Variants in OXCT1 observed in about 807,000 individuals in gnomAD.
OXCT1 encodes succinyl-CoA:3-ketoacid coenzyme A transferase 1, mitochondrial.
Under a neutral mutation model 69.6 loss-of-function variants are expected in OXCT1, and 27 were observed. That is an observed-to-expected ratio of 0.39 (90% confidence interval 0.29 to 0.54). The LOEUF (loss-of-function observed/expected upper bound fraction) is 0.54. OXCT1 is among the 20% of genes least tolerant of loss of function. The pLI, the probability that OXCT1 is intolerant of heterozygous loss-of-function variation, is 0.72. For synonymous variants in OXCT1, 202 were observed against 217.8 expected, an observed-to-expected ratio of 0.93 and a Z score of 0.64; for missense variants, 437 against 650.2, an observed-to-expected ratio of 0.67 and a Z score of 3.57.
chr5:41,759,022 T>G (rs147654700), intron 14 of OXCT1, among the ~76,000 whole-genome samples: 3 of 151,650 alleles, frequency 2.0e-5, no homozygotes, highest in African/African-American at 7.3e-5. Context: ...ATTTTTGGAT[T>G]ATTTTCTTTT....
chr5:41,795,680 C>CTA (rs1185334789), intron 11 of OXCT1, among the ~76,000 whole-genome samples: 2 of 151,812 alleles, frequency 1.3e-5, no homozygotes, highest in African/African-American at 2.4e-5. Context: ...ATAGTTAATA[C>CTA]TATACTGTAT....
At chr5:41,840,764 A>G (rs1332480292) in intron 6 of OXCT1, among the ~76,000 whole-genome samples, 1 of 152,116 alleles carries the variant, frequency 6.6e-6, no homozygotes, top group Admixed American at 6.5e-5. Context: ...TATTTTTCAC[A>G]TTCAACATAT....
At chr5:41,768,710 A>C (rs766527315) in intron 13 of OXCT1, among the ~76,000 whole-genome samples, 8 of 152,126 alleles carry the variant, frequency 5.3e-5, no homozygotes, top group Non-Finnish European at 1.2e-4. Context: ...ATTTCTCCCT[A>C]AAGAGTTATA....
chr5:41,751,588 A>G (rs989772424), intron 14 of OXCT1, among the ~76,000 whole-genome samples: 3 of 152,152 alleles, frequency 2.0e-5, no homozygotes, highest in Admixed American at 1.3e-4. Flanking sequence ...GAAAGATTAG[A>G]TAAGTTCTAC....
intron 7 of OXCT1, among the ~76,000 whole-genome samples, chr5:41,832,159 T>C (rs1748128061): frequency 6.6e-6 from 1 of 152,188 alleles, no homozygotes. Context: ...CTGTTTATTG[T>C]AGAGCCCTAG....
At chr5:41,822,832 G>C (rs562775978) in intron 7 of OXCT1, among the ~76,000 whole-genome samples, 1 of 152,108 alleles carries the variant, frequency 6.6e-6, no homozygotes, top group Non-Finnish European at 1.5e-5. Flanking sequence ...CTTGTAATTT[G>C]TGTCTGTATA....
intron 7 of OXCT1, among the ~76,000 whole-genome samples, chr5:41,835,923 G>T (rs1748335316): frequency 1.3e-5 from 2 of 150,598 alleles, no homozygotes; most frequent in African/African-American, 4.9e-5. Flanking sequence ...CCTCCCCATA[G>T]GTTTTCTATT....
At chr5:41,768,502 G>C (rs962026705) in intron 13 of OXCT1, among the ~76,000 whole-genome samples, 2 of 152,100 alleles carry the variant, frequency 1.3e-5, no homozygotes, top group Admixed American at 6.6e-5. Context: ...TCTTCATAAA[G>C]GCAAATCTCA....
chr5:41,827,403 C>G (rs975804261), intron 7 of OXCT1, among the ~76,000 whole-genome samples: 40 of 152,152 alleles, frequency 2.6e-4, no homozygotes, highest in African/African-American at 9.7e-4. Context: ...TCAGTTTTCT[C>G]ATTTACAATA....
chr5:41,753,290 T>C lies in OXCT1; in HGVS notation c.1339-3683A>G, dbSNP rs71590623. Among the ~76,000 whole-genome samples the C allele has an allele frequency of 5.9e-3, 734 of 124,708 alleles. 3 individuals are homozygous for C. The highest frequency in any genetic ancestry group is 0.017 in the African/African-American group (551 of 32,886). 81.8% of individuals were successfully genotyped at this position (124,708 alleles called of 152,430 possible). ...TGCAATACACACACACACACACACATAGACACACACACACACATAGACACA... is the reference window on the plus strand; with the variant it reads ...TGCAATACACACACACACACACACACAGACACACACACACACATAGACACA... On this transcript the variant is annotated intron_variant, in intron 14 of 16. Coordinates refer to ENST00000196371, the MANE Select transcript of OXCT1 (RefSeq NM_000436.4).
chr5:41,756,693 C>T (rs779967789), intron 14 of OXCT1, among the ~76,000 whole-genome samples: 31 of 152,034 alleles, frequency 2.0e-4, no homozygotes, highest in Non-Finnish European at 3.7e-4. Flanking sequence ...ATGGAGTTTG[C>T]ATTCTGCTGA....
At chr5:41,775,953 T>TA (rs748787115) in intron 13 of OXCT1, among the ~76,000 whole-genome samples, 25 of 152,136 alleles carry the variant, frequency 1.6e-4, no homozygotes, top group Non-Finnish European at 3.5e-4. Context: ...GACTAGGTAC[T>TA]AAATTGCTTC....
chr5:41,842,092 C>G (rs1275347017), intron 6 of OXCT1, among the ~76,000 whole-genome samples: 1 of 152,014 alleles, frequency 6.6e-6, no homozygotes, highest in Non-Finnish European at 1.5e-5. Flanking sequence ...TCTATAAATC[C>G]AAGATATAAA....
chr5:41,812,935 C>T (rs1455935705), intron 7 of OXCT1, among the ~76,000 whole-genome samples: 1 of 151,874 alleles, frequency 6.6e-6, no homozygotes, highest in Non-Finnish European at 1.5e-5. Context: ...ATACTCCTTT[C>T]CAAAAGGGGG....
At chr5:41,823,502 A>T (rs1490046010) in intron 7 of OXCT1, among the ~76,000 whole-genome samples, 1 of 152,214 alleles carries the variant, frequency 6.6e-6, no homozygotes, top group African/African-American at 2.4e-5. Context: ...GATTTCTGCT[A>T]CTAGGCTTCT....
chr5:41,788,566 T>C (rs974297796), intron 13 of OXCT1, among the ~76,000 whole-genome samples: 2 of 152,170 alleles, frequency 1.3e-5, no homozygotes, highest in African/African-American at 4.8e-5. Flanking sequence ...AGGAATATTA[T>C]TGAAGAGACA....
At chr5:41,826,171 T>C (rs1004867115) in intron 7 of OXCT1, among the ~76,000 whole-genome samples, 7 of 152,230 alleles carry the variant, frequency 4.6e-5, no homozygotes, top group African/African-American at 1.7e-4. Context: ...CATGTTTAAG[T>C]TGATTTTATG....
At chr5:41,828,858 T>C (rs1425075744) in intron 7 of OXCT1, among the ~76,000 whole-genome samples, 2 of 152,224 alleles carry the variant, frequency 1.3e-5, no homozygotes, top group African/African-American at 4.8e-5. Flanking sequence ...GATTAAATAA[T>C]ATTTTAGGCT....
At chr5:41,800,952 T>C in intron 11 of OXCT1, 70 bp downstream of exon 11, 1 of 1,308,978 alleles carries the variant, frequency 7.6e-7, no homozygotes, top group Non-Finnish European at 1.1e-6. Flanking sequence ...GACAAAGAAT[T>C]GAGTCCAAAC....
Sources: gnomAD v4.1 joint callset for allele counts (sites outside exome capture counted in the v4.1 genomes callset) on GRCh38, gnomAD v4.1.1 for gene constraint, MANE v1.5 for transcripts, NCBI Gene and HGNC (gene_info 2026-07-23, HGNC 2026-07-21) for gene names.